COL4A5: variants seen among roughly 807,000 people sequenced by gnomAD.
COL4A5 encodes the protein collagen type IV alpha 5 chain, also known as collagen alpha-5(IV) chain.
COL4A5 carries 26 observed loss-of-function variants against 130.2 expected under a neutral mutation model. That is an observed-to-expected ratio of 0.20 (90% confidence interval 0.15 to 0.28). COL4A5 has a LOEUF of 0.28. COL4A5 is among the 10% of genes least tolerant of loss of function. The pLI, the probability that COL4A5 is intolerant of heterozygous loss-of-function variation, is 1.00. For synonymous variants in COL4A5, 496 were observed against 439.6 expected (o/e 1.13, Z -1.60); for missense variants, 1,131 against 1,344.3 (o/e 0.84, Z 2.48).
chrX:108,624,276 G>T lies in COL4A5; in HGVS notation c.2958G>T (p.Leu986Phe), dbSNP rs543839294. 2 of 1,211,164 alleles carry T rather than the reference G, an allele frequency of 1.7e-6. No individual in the cohort carries two copies. Among genetic ancestry groups the T allele is most frequent in the Non-Finnish European group, 2.2e-6 (2 of 895,108 alleles). Residue 986 changes from leucine (L) to phenylalanine (F), a missense_variant, in exon 34 of 53, where the codon TTG (leucine) becomes TTT (phenylalanine). Transcript: ENST00000328300. ...CAGGGCCAAAAGGTTATCAGGGTTTGCCTGGAGACCCAGGGCAACCTGGAC... is the reference window on the plus strand; with the variant it reads ...CAGGGCCAAAAGGTTATCAGGGTTTTCCTGGAGACCCAGGGCAACCTGGAC... Reference protein sequence around the residue: ...GVSGPKGYQGLPGDPGQPGLS... With the variant: ...GVSGPKGYQGFPGDPGQPGLS...
chrX:108,481,475 G>A (rs2064890611), intron 1 of COL4A5, among the ~76,000 whole-genome samples: 1 of 111,632 alleles, frequency 9.0e-6, no homozygotes, highest in Admixed American at 9.5e-5. Flanking sequence ...ATTCAAATTA[G>A]GCTTTTGTCT....
chrX:108,593,560 C>A (rs756653739), intron 21 of COL4A5, among the ~76,000 whole-genome samples: 2 of 111,371 alleles, frequency 1.8e-5, no homozygotes, highest in Admixed American at 9.5e-5. Context: ...TTACCTTTCA[C>A]GTTTTGATCT....
At chrX:108,453,853 A>T (rs1462198842) in intron 1 of COL4A5, among the ~76,000 whole-genome samples, 1 of 112,022 alleles carries the variant, frequency 8.9e-6, no homozygotes, top group Non-Finnish European at 1.9e-5. Flanking sequence ...ATCGTGGTAG[A>T]TACAGTTAAA....
In COL4A5 at chrX:108,544,751, G is replaced by T. The variant is rs778838208; in HGVS notation, c.141+4946G>T. On this transcript the variant is annotated intron_variant, in intron 2 of 52. Transcript: ENST00000328300. The stretch of plus-strand genomic sequence containing the variant: ...ATCCATCTGGTCCTGGACTTTTTTT[G>T]GTTTGTAAGCTATTAATTATTGCCT... Among the ~76,000 whole-genome samples, 8 of 110,582 alleles carry T rather than the reference G, an allele frequency of 7.2e-5. No individual in the cohort carries two copies. In the South Asian group the frequency reaches 3.1e-3, roughly 42 times the overall value.
intron 44 of COL4A5, among the ~76,000 whole-genome samples, chrX:108,679,597 T>A (rs893369729): frequency 3.6e-5 from 4 of 111,699 alleles, no homozygotes; most frequent in African/African-American, 1.3e-4. Flanking sequence ...TTAATATTAT[T>A]TCATAATAAG....
chrX:108,548,010 C>G (rs767925118), intron 2 of COL4A5, among the ~76,000 whole-genome samples: 1 of 111,986 alleles, frequency 8.9e-6, no homozygotes, highest in African/African-American at 3.2e-5. Flanking sequence ...CGTTTGTCCC[C>G]TCTTCCCTTG....
intron 1 of COL4A5, among the ~76,000 whole-genome samples, chrX:108,519,724 A>G: frequency 9.0e-6 from 1 of 110,870 alleles, no homozygotes; most frequent in East Asian, 2.8e-4. Flanking sequence ...TTATTCCTGT[A>G]ATACATTTCT....
intron 38 of COL4A5, 32 bp from the exon 39 acceptor site, chrX:108,666,464 C>T: frequency 9.0e-7 from 1 of 1,109,092 alleles, no homozygotes; most frequent in Non-Finnish European, 1.2e-6. Context: ...AATTGGAAAA[C>T]TGGGTGTAAC....
intron 17 of COL4A5, among the ~76,000 whole-genome samples, chrX:108,583,474 A>G (rs2066283970): frequency 1.8e-5 from 2 of 111,878 alleles, no homozygotes; most frequent in African/African-American, 6.5e-5. Context: ...GAAGCATACA[A>G]TTACCAGATT....
intron 1 of COL4A5, among the ~76,000 whole-genome samples, chrX:108,504,492 A>C (rs755270162): frequency 8.9e-6 from 1 of 112,308 alleles, no homozygotes. Context: ...GCATCTGATA[A>C]AAGACTAATA....
chrX:108,546,861 A>C (rs1391623576), intron 2 of COL4A5, among the ~76,000 whole-genome samples: 1 of 111,260 alleles, frequency 9.0e-6, no homozygotes, highest in Admixed American at 9.6e-5. Context: ...CATTCATTTG[A>C]TCTTCAATCA....
At chrX:108,528,733 A>C (rs1051684114) in intron 1 of COL4A5, among the ~76,000 whole-genome samples, 3 of 112,762 alleles carry the variant, frequency 2.7e-5, no homozygotes, top group Non-Finnish European at 5.6e-5. Context: ...ACTTGAAGTC[A>C]GTTCTTTTTA....
chrX:108,588,581 C>G (rs902626847), intron 19 of COL4A5, among the ~76,000 whole-genome samples: 1 of 109,710 alleles, frequency 9.1e-6, no homozygotes, highest in Non-Finnish European at 1.9e-5. Flanking sequence ...GAGAATGGGA[C>G]AAGAGGCAGC....
At chrX:108,637,451 G>A (rs2067375575) in intron 36 of COL4A5, among the ~76,000 whole-genome samples, 1 of 111,356 alleles carries the variant, frequency 9.0e-6, no homozygotes. Flanking sequence ...GATTAGAGCA[G>A]AGATAAATAA....
chrX:108,493,088 A>G (rs2065006265), intron 1 of COL4A5, among the ~76,000 whole-genome samples: 1 of 111,897 alleles, frequency 8.9e-6, no homozygotes, highest in African/African-American at 3.2e-5. Flanking sequence ...TTGTATAGCT[A>G]TATTAAAAAA....
rs1367659202 is a variant in COL4A5 at position 108,580,589 on chromosome X, A to G, written c.834+3A>G. On this transcript the variant is annotated splice_donor_region_variant and intron_variant, in intron 14 of 52. Transcript: ENST00000328300. ...CTCCAGGGATACGTGGTCCTCCAGT[A>G]AGTACCTAAAGTGCTTTAGCATCAT... is the stretch of plus-strand genomic sequence containing the variant. 8.3e-7 allele frequency: 1 copy of G among 1,204,635 alleles called. No homozygotes were observed. The highest frequency in any genetic ancestry group is 1.8e-5 in the African/African-American group (1 of 56,992).
At chrX:108,684,775 C>A (rs185239259) in intron 47 of COL4A5, among the ~76,000 whole-genome samples, 1 of 112,370 alleles carries the variant, frequency 8.9e-6, no homozygotes, top group Admixed American at 9.4e-5. Context: ...CATCCTGATA[C>A]CAAAACCTGG....
intron 37 of COL4A5, among the ~76,000 whole-genome samples, chrX:108,663,399 T>A (rs2068003799): frequency 8.9e-6 from 1 of 111,924 alleles, no homozygotes; most frequent in Non-Finnish European, 1.9e-5. Flanking sequence ...CCAAAATAAA[T>A]GAAGAGATAG....
chrX:108,538,820 C>A (rs1459148044), intron 1 of COL4A5, among the ~76,000 whole-genome samples: 2 of 111,777 alleles, frequency 1.8e-5, no homozygotes, highest in African/African-American at 6.5e-5. Context: ...AAGGATAGTA[C>A]TGAATGGCAG....
Sources: gnomAD v4.1 joint callset for allele counts (sites outside exome capture counted in the v4.1 genomes callset) on GRCh38, gnomAD v4.1.1 for gene constraint, MANE v1.5 for transcripts, NCBI Gene and HGNC (gene_info 2026-07-23, HGNC 2026-07-21) for gene names.